NRXN3: variants seen among roughly 807,000 people sequenced by gnomAD.
NRXN3 encodes the protein neurexin 3.
A neutral mutation model predicts 137.6 loss-of-function variants in NRXN3; 32 were observed. The observed-to-expected ratio is 0.23, with a 90% CI of 0.18 to 0.31. NRXN3 has a LOEUF of 0.31. Ranked by LOEUF, NRXN3 falls within the 10% of genes least tolerant of loss-of-function variation. The pLI, the probability that NRXN3 is intolerant of heterozygous loss-of-function variation, is 1.00. For missense variants in NRXN3, 1,574 were observed against 2,062.5 expected, an observed-to-expected ratio of 0.76 and a Z score of 4.59; for synonymous variants, 798 against 784.5, an observed-to-expected ratio of 1.02 and a Z score of -0.29.
intron 19 of NRXN3, among the ~76,000 whole-genome samples, chr14:79,747,319 G>A (rs573576947): frequency 8.6e-5 from 13 of 151,980 alleles, no homozygotes; most frequent in Non-Finnish European, 1.5e-4. Context: ...AAACCAGACG[G>A]TGACATGATA....
chr14:79,430,988 A>G (rs1318649003), intron 15 of NRXN3, among the ~76,000 whole-genome samples: 1 of 152,136 alleles, frequency 6.6e-6, no homozygotes, highest in Non-Finnish European at 1.5e-5. Context: ...CTCCTCCCTC[A>G]TATATTTTGA....
intron 4 of NRXN3, among the ~76,000 whole-genome samples, chr14:78,483,734 AG>A (rs1444255603): frequency 6.6e-6 from 1 of 152,212 alleles, no homozygotes; most frequent in African/African-American, 2.4e-5. Context: ...GGGAAATTCC[AG>A]GTGAGAGGGG....
intron 15 of NRXN3, among the ~76,000 whole-genome samples, chr14:78,995,300 T>C (rs772443605): frequency 5.9e-5 from 9 of 152,196 alleles, no homozygotes; most frequent in Non-Finnish European, 1.3e-4. Context: ...TTAGAGTATC[T>C]TGCCCATACT....
chr14:79,435,300 C>CA (rs147005397), intron 15 of NRXN3, among the ~76,000 whole-genome samples: 2,614 of 123,550 alleles, frequency 0.021, 25 homozygotes, highest in African/African-American at 0.043. Context: ...GAAATTTGCT[C>CA]AAAAAAAAAA....
At chr14:79,591,847 C>A (rs1185654470) in intron 16 of NRXN3, among the ~76,000 whole-genome samples, 2 of 152,116 alleles carry the variant, frequency 1.3e-5, no homozygotes, top group Admixed American at 1.3e-4. Context: ...TCATGATAGA[C>A]CCGATTTCTT....
chr14:78,869,835 G>A (rs1375110615), intron 10 of NRXN3, among the ~76,000 whole-genome samples: 1 of 152,048 alleles, frequency 6.6e-6, no homozygotes, highest in African/African-American at 2.4e-5. Context: ...GGACCATCAT[G>A]ATAAATATAT....
intron 6 of NRXN3, among the ~76,000 whole-genome samples, chr14:78,655,622 TC>T (rs1180974752): frequency 6.6e-6 from 1 of 152,094 alleles, no homozygotes; most frequent in Non-Finnish European, 1.5e-5. Context: ...TACAAATATT[TC>T]CCCAGCACCT....
intron 16 of NRXN3, among the ~76,000 whole-genome samples, chr14:79,519,520 T>C (rs1488719064): frequency 3.3e-5 from 5 of 152,088 alleles, no homozygotes; most frequent in Non-Finnish European, 7.4e-5. Context: ...TTTTCTCCTG[T>C]CAATATAAAT....
chr14:78,874,085 C>T (rs1224154131), intron 10 of NRXN3, among the ~76,000 whole-genome samples: 1 of 151,748 alleles, frequency 6.6e-6, no homozygotes, highest in Non-Finnish European at 1.5e-5. Flanking sequence ...GGTTCTCCTG[C>T]CTCAGCCTCG....
intron 4 of NRXN3, among the ~76,000 whole-genome samples, chr14:78,479,541 G>A (rs1251699746): frequency 1.3e-5 from 2 of 152,154 alleles, no homozygotes; most frequent in African/African-American, 4.8e-5. Flanking sequence ...CATTTCGTAA[G>A]GTTTGTCCCC....
intron 4 of NRXN3, among the ~76,000 whole-genome samples, chr14:78,461,316 T>C (rs1017881155): frequency 2.0e-5 from 3 of 152,112 alleles, no homozygotes; most frequent in Non-Finnish European, 2.9e-5. Context: ...AAAAGCTGTA[T>C]TGAAAGAGGT....
intron 4 of NRXN3, among the ~76,000 whole-genome samples, chr14:78,379,328 C>G (rs997449012): frequency 1.3e-5 from 2 of 152,072 alleles, no homozygotes; most frequent in African/African-American, 4.8e-5. Flanking sequence ...CACTACATAC[C>G]AATGTCCTTC....
chr14:78,329,517 G>A (rs1443337059), intron 4 of NRXN3, among the ~76,000 whole-genome samples: 2 of 152,082 alleles, frequency 1.3e-5, no homozygotes, highest in South Asian at 2.1e-4. Context: ...CCAGAATGAA[G>A]GCTTCCACTG....
chr14:79,748,708 T>C (rs2098987333), intron 19 of NRXN3, among the ~76,000 whole-genome samples: 2 of 151,948 alleles, frequency 1.3e-5, no homozygotes, highest in African/African-American at 4.8e-5. Flanking sequence ...AATTTCCTTG[T>C]TGTTCTTTTC....
intron 4 of NRXN3, among the ~76,000 whole-genome samples, chr14:78,592,880 G>A (rs1020289514): frequency 1.3e-5 from 2 of 152,236 alleles, no homozygotes; most frequent in African/African-American, 4.8e-5. Flanking sequence ...CAGTTAATCT[G>A]TAGTAGGACC....
intron 20 of NRXN3, among the ~76,000 whole-genome samples, chr14:79,844,669 T>TA (rs1167587819): frequency 8.5e-5 from 13 of 152,182 alleles, no homozygotes; most frequent in Non-Finnish European, 1.6e-4. Context: ...AACCATGCTG[T>TA]AAACAACTGT....
chr14:78,987,019 CAA>C (rs36081362), intron 14 of NRXN3, among the ~76,000 whole-genome samples: 1,761 of 53,976 alleles, frequency 0.033, 14 homozygotes, highest in African/African-American at 0.086. Flanking sequence ...GAGACTGTCT[CAA>C]AAAAAAAAAA....
At chr14:79,502,688 C>G (rs1675233647) in intron 16 of NRXN3, among the ~76,000 whole-genome samples, 1 of 152,076 alleles carries the variant, frequency 6.6e-6, no homozygotes. Context: ...TGCCTCCTTT[C>G]TCCTAATTTT....
intron 15 of NRXN3, among the ~76,000 whole-genome samples, chr14:79,106,532 T>C (rs1158631482): frequency 6.6e-6 from 1 of 151,608 alleles, no homozygotes; most frequent in African/African-American, 2.4e-5. Context: ...AAAGAAAAAA[T>C]TACCAAACTA....
Sources: gnomAD v4.1 joint callset for allele counts (sites outside exome capture counted in the v4.1 genomes callset) on GRCh38, gnomAD v4.1.1 for gene constraint, MANE v1.5 for transcripts, NCBI Gene and HGNC (gene_info 2026-07-23, HGNC 2026-07-21) for gene names.